The following EYA1 variants were observed in gnomAD, a reference collection of about 807,000 sequenced individuals.
EYA1 encodes the protein protein phosphatase EYA1.
EYA1 carries 16 observed loss-of-function variants against 82.0 expected under a neutral mutation model. That is an observed-to-expected ratio of 0.20 (90% CI 0.13 to 0.30). The LOEUF (loss-of-function observed/expected upper bound fraction) is 0.30, where lower values mean the gene tolerates loss of function less well. EYA1 is among the 10% of genes least tolerant of loss of function. The pLI is 1.00. For synonymous variants in EYA1, 261 were observed against 264.4 expected (o/e 0.99, Z 0.12); for missense variants, 633 against 730.7 (o/e 0.87, Z 1.54).
chr8:71,537,603 A>G (rs930571286), intron 1 of EYA1, among the ~76,000 whole-genome samples: 2 of 152,232 alleles, frequency 1.3e-5, no homozygotes, highest in African/African-American at 4.8e-5. Flanking sequence ...CAGTGTACCT[A>G]TAAGAGGTAA....
In EYA1 at chr8:71,241,099, C is replaced by A. The variant is rs76601785; in HGVS notation, c.1140+3504G>T. Among the ~76,000 whole-genome samples, 1,438 of 152,262 alleles carry A rather than the reference C, an allele frequency of 9.4e-3. 22 individuals are homozygous for A. The highest frequency in any genetic ancestry group is 0.033 in the African/African-American group (1,354 of 41,544). On this transcript the variant is annotated intron_variant, in intron 12 of 17. Coordinates refer to ENST00000340726, the MANE Select transcript of EYA1 (RefSeq NM_000503.6). ...GTACACTACGGAACTAAAGTCGAAA[C>A]CCTTCTCTTGGGGGGAAAATATTAT...
At chr8:71,509,967 A>T (rs984224723) in intron 2 of EYA1, among the ~76,000 whole-genome samples, 1 of 151,998 alleles carries the variant, frequency 6.6e-6, no homozygotes, top group Admixed American at 6.6e-5. Context: ...TGAAGGAATC[A>T]TAGATGGTAA....
intron 3 of EYA1, among the ~76,000 whole-genome samples, chr8:71,352,535 A>G (rs549144871): frequency 3.0e-4 from 45 of 152,306 alleles, no homozygotes; most frequent in Middle Eastern, 3.4e-3. Context: ...TGTAAAGTAC[A>G]TTAATGAAGA....
Position 71,403,738 on chromosome 8 carries a change from A to G in EYA1, c.34-47227T>C, listed in dbSNP as rs962808309. ...GATGTCTACTTTCAAGCATAAAAAC[A>G]AGCTGCAGAGTGATATGTACACCAT... is the stretch of plus-strand genomic sequence containing the variant. On this transcript the variant is annotated intron_variant, in intron 2 of 18. Transcript: ENST00000643681. 3.9e-5 allele frequency: 6 copies of G among 152,198 alleles called. 1 individual carries two copies. In the South Asian group the frequency reaches 1.2e-3, roughly 32 times the overall value. 9.4% of individuals were successfully genotyped at this position (152,198 alleles called of 1,614,324 possible).
chr8:71,378,091 A>G (rs4560821), intron 2 of EYA1, among the ~76,000 whole-genome samples: 29,930 of 152,038 alleles, frequency 0.2, 3,384 homozygotes, highest in East Asian at 0.4. Context: ...CAGAGATGCA[A>G]GTGGTAACCA....
chr8:71,343,877 C>A (rs1825421000), intron 3 of EYA1, among the ~76,000 whole-genome samples: 1 of 152,068 alleles, frequency 6.6e-6, no homozygotes, highest in South Asian at 2.1e-4. Context: ...ATATTAGATT[C>A]CTTTTTTCTC....
intron 2 of EYA1, among the ~76,000 whole-genome samples, chr8:71,422,107 A>G (rs181086897): frequency 6.6e-6 from 1 of 152,314 alleles, no homozygotes; most frequent in African/African-American, 2.4e-5. Flanking sequence ...ATAATTCTGA[A>G]TCTGGAACTC....
intron 7 of EYA1, among the ~76,000 whole-genome samples, chr8:71,307,523 C>A (rs1375728882): frequency 6.6e-6 from 1 of 152,126 alleles, no homozygotes; most frequent in Non-Finnish European, 1.5e-5. Context: ...TCTTAGAAAT[C>A]AGATTATAAT....
At chr8:71,522,143 T>A (rs920887379) in intron 2 of EYA1, among the ~76,000 whole-genome samples, 10 of 152,200 alleles carry the variant, frequency 6.6e-5, no homozygotes, top group Non-Finnish European at 1.2e-4. Flanking sequence ...TAGCAAGGTT[T>A]CATTAAAATT....
intron 1 of EYA1, among the ~76,000 whole-genome samples, chr8:71,544,781 A>G (rs893962290): frequency 1.3e-5 from 2 of 152,170 alleles, no homozygotes; most frequent in Non-Finnish European, 2.9e-5. Context: ...GCTTAGGGAT[A>G]TTCAAATTCT....
intron 9 of EYA1, among the ~76,000 whole-genome samples, chr8:71,274,877 AGAGT>A (rs1431622081): frequency 6.6e-6 from 1 of 151,992 alleles, no homozygotes; most frequent in Admixed American, 6.6e-5. Flanking sequence ...AGAGAGAGAG[AGAGT>A]GAGCGAGCGA....
At chr8:71,545,459 T>C (rs1815475821) in intron 1 of EYA1, among the ~76,000 whole-genome samples, 1 of 152,062 alleles carries the variant, frequency 6.6e-6, no homozygotes, top group African/African-American at 2.4e-5. Flanking sequence ...ACTGTTATTA[T>C]AACACCTCTC....
intron 17 of EYA1, among the ~76,000 whole-genome samples, chr8:71,202,353 A>C (rs1807146459): frequency 6.6e-6 from 1 of 152,158 alleles, no homozygotes; most frequent in Non-Finnish European, 1.5e-5. Context: ...TCTCATCTGT[A>C]CATGTGTGTG....
chr8:71,394,181 C>A (rs1163964474), intron 2 of EYA1, among the ~76,000 whole-genome samples: 1 of 152,106 alleles, frequency 6.6e-6, no homozygotes, highest in Non-Finnish European at 1.5e-5. Flanking sequence ...TTTGTAGATT[C>A]TGGATATTAG....
At chr8:71,362,301 T>C, upstream of EYA1, 10 of 673,488 alleles carry the variant, frequency 1.5e-5, no homozygotes, top group Non-Finnish European at 1.8e-5. Flanking sequence ...AAAAAAATTA[T>C]GTAAATGAAC....
At chr8:71,439,103 C>G (rs1375865687) in intron 2 of EYA1, among the ~76,000 whole-genome samples, 1 of 152,114 alleles carries the variant, frequency 6.6e-6, no homozygotes, top group Non-Finnish European at 1.5e-5. Context: ...AGTCATTGAA[C>G]CACCTAGGCC....
chr8:71,224,047 G>A (rs551170258), intron 12 of EYA1, among the ~76,000 whole-genome samples: 1 of 152,330 alleles, frequency 6.6e-6, no homozygotes, highest in Non-Finnish European at 1.5e-5. Context: ...GGACACTGAT[G>A]CTGTATACTT....
At chr8:71,423,077 ATGTGGC>A (rs1677839784) in intron 2 of EYA1, among the ~76,000 whole-genome samples, 1 of 152,126 alleles carries the variant, frequency 6.6e-6, no homozygotes, top group Non-Finnish European at 1.5e-5. Context: ...TCCTTAAAGT[ATGTGGC>A]TTTTTCCCTC....
chr8:71,496,977 A>G (rs1176771039), intron 2 of EYA1, among the ~76,000 whole-genome samples: 1 of 152,188 alleles, frequency 6.6e-6, no homozygotes, highest in Admixed American at 6.5e-5. Flanking sequence ...AGCACAGGCA[A>G]CAAAAGGAAA....
Sources: allele counts gnomAD v4.1 joint callset (sites outside exome capture counted in the v4.1 genomes callset), GRCh38; gene constraint gnomAD v4.1.1; transcripts MANE v1.5; gene names NCBI Gene and HGNC (gene_info 2026-07-23, HGNC 2026-07-21).